CLEC17A: variants seen among roughly 807,000 people sequenced by gnomAD.
CLEC17A encodes the protein C-type lectin domain containing 17A, also known as C-type lectin domain family 17, member A.
Under a neutral mutation model 61.3 loss-of-function variants are expected in CLEC17A, and 37 were observed. The observed-to-expected ratio is 0.60, with a 90% confidence interval of 0.46 to 0.79. The LOEUF (loss-of-function observed/expected upper bound fraction) is 0.79. Among genes scored for constraint, CLEC17A ranks in the 30% least tolerant of loss-of-function variants. CLEC17A has a pLI of 0.00. For synonymous variants in CLEC17A, 168 were observed against 164.9 expected (o/e 1.02, Z -0.14); for missense variants, 418 against 464.7 (o/e 0.90, Z 0.92).
intron 2 of CLEC17A, among the ~76,000 whole-genome samples, chr19:14,585,115 G>C (rs1233618991): frequency 6.6e-6 from 1 of 152,188 alleles, no homozygotes; most frequent in Non-Finnish European, 1.5e-5. Flanking sequence ...GAGACACACA[G>C]AGAAGAGAAC....
At position 14,583,246 on chromosome 19, in the gene CLEC17A, A is replaced by G. The variant is rs1044768787; in HGVS notation, c.43+43A>G. 3 of 1,613,508 alleles carry G rather than the reference A, an allele frequency of 1.9e-6. No individual in the cohort carries two copies. In the African/African-American group the frequency reaches 4.0e-5, roughly 22 times the overall value. ...CTGGGGCTGGGGCCTAGGTGTGGTCAGGACCCAGGGTACAGAATCCCCACC... is the reference window on the plus strand; with the variant it reads ...CTGGGGCTGGGGCCTAGGTGTGGTCGGGACCCAGGGTACAGAATCCCCACC... On this transcript the variant is annotated intron_variant, in intron 1 of 13. Coordinates refer to ENST00000417570, the MANE Select transcript of CLEC17A (RefSeq NM_001204118.2).
At chr19:14,584,663 G>A (rs1194365146) in intron 2 of CLEC17A, among the ~76,000 whole-genome samples, 1 of 151,918 alleles carries the variant, frequency 6.6e-6, no homozygotes. Context: ...CCTGTGCTGT[G>A]TTGTTTCACT....
intron 12 of CLEC17A, among the ~76,000 whole-genome samples, chr19:14,601,917 C>T (rs35537095): frequency 0.11 from 16,903 of 151,940 alleles, 1,067 homozygotes; most frequent in African/African-American, 0.16. Context: ...TTCAGCCTCC[C>T]GAGTAGCTGG....
At chr19:14,600,612 C>T (rs868214777) in intron 12 of CLEC17A, among the ~76,000 whole-genome samples, 4 of 150,730 alleles carry the variant, frequency 2.7e-5, no homozygotes, top group African/African-American at 9.8e-5. Context: ...GATGGAGTCT[C>T]GCTCTTTCAC....
At chr19:14,598,322 C>CTA (rs1309197999) in intron 10 of CLEC17A, among the ~76,000 whole-genome samples, 3 of 148,220 alleles carry the variant, frequency 2.0e-5, no homozygotes, top group Non-Finnish European at 4.4e-5. Context: ...CTCTCTCTCT[C>CTA]TCTCACTATC....
At chr19:14,596,465 C>T (rs1225311009) in intron 8 of CLEC17A, among the ~76,000 whole-genome samples, 1 of 151,922 alleles carries the variant, frequency 6.6e-6, no homozygotes, top group East Asian at 1.9e-4. Flanking sequence ...ACCCCCATCT[C>T]TGCAAAAAAA....
intron 10 of CLEC17A, among the ~76,000 whole-genome samples, chr19:14,599,398 C>G (rs2074645440): frequency 6.6e-6 from 1 of 152,082 alleles, no homozygotes; most frequent in South Asian, 2.1e-4. Flanking sequence ...TGCATCTTTG[C>G]TTTTAAGATA....
At position 14,600,101 on chromosome 19, in the gene CLEC17A, C is replaced by G. The variant is rs1417754548; in HGVS notation, c.813C>G (p.Ser271Arg). ...FEGKCYYFSP[S>R]TKSWDEARMF... The stretch of plus-strand genomic sequence containing the variant: ...GCAAGTGTTACTACTTCTCCCCAAG[C>G]ACCAAGTCATGGGATGAGGCCCGGA... The change falls in exon 12 of 14, where the codon AGC (serine) becomes AGG (arginine). Residue 271 changes from serine (S) to arginine (R), a missense_variant. By Grantham distance (110) the Ser-to-Arg change is moderately radical (BLOSUM62 -1). Coordinates refer to ENST00000417570, the MANE Select transcript of CLEC17A (RefSeq NM_001204118.2). The G allele has an allele frequency of 6.2e-7, 1 of 1,614,042 alleles. No homozygotes were observed. Among genetic ancestry groups the G allele is most frequent in the Admixed American group, 1.7e-5 (1 of 60,024 alleles).
At position 14,594,696 on chromosome 19, in the gene CLEC17A, G is replaced by C. The variant is rs748533514; in HGVS notation, c.361+14G>C. 3 of 1,613,970 alleles carry C rather than the reference G, an allele frequency of 1.9e-6. No individual in the cohort carries two copies. Among genetic ancestry groups the C allele is most frequent in the African/African-American group, 1.3e-5 (1 of 75,010 alleles). ...GGAACATGACAGGTGAGAGCTGACA[G>C]TTGGAGTCTTCCTGCTCACCTGGCT... On this transcript the variant is annotated intron_variant, in intron 6 of 13. Coordinates refer to ENST00000417570, the MANE Select transcript of CLEC17A (RefSeq NM_001204118.2).
intron 7 of CLEC17A, among the ~76,000 whole-genome samples, 154 bp downstream of exon 7, chr19:14,594,954 C>T (rs2074507498): frequency 6.6e-6 from 1 of 152,184 alleles, no homozygotes; most frequent in Non-Finnish European, 1.5e-5. Context: ...TCACTGCAAC[C>T]TCTGCCTCCT....
At chr19:14,583,282 T>A (rs1461792513) in intron 1 of CLEC17A, 75 bp from the exon 2 acceptor site, 1 of 1,612,572 alleles carries the variant, frequency 6.2e-7, no homozygotes, top group Non-Finnish European at 8.5e-7. Flanking sequence ...ATGGGGCAGC[T>A]GAGGCAGAGA....
intron 12 of CLEC17A, among the ~76,000 whole-genome samples, chr19:14,603,767 C>T (rs2074784519): frequency 6.6e-6 from 1 of 152,076 alleles, no homozygotes. Flanking sequence ...TGCCCTAACC[C>T]ATAGCTCACT....
intron 11 of CLEC17A, 39 bp downstream of exon 11, chr19:14,599,851 A>G: frequency 6.4e-7 from 1 of 1,569,006 alleles, no homozygotes; most frequent in Non-Finnish European, 8.7e-7. Context: ...GATGGGGGGC[A>G]TGGCAGAGCT....
Position 14,590,639 on chromosome 19 carries a change from A to G in CLEC17A, c.200-1642A>G, listed in dbSNP as rs560932047. On this transcript the variant is annotated intron_variant, in intron 3 of 13. Coordinates refer to ENST00000417570, the MANE Select transcript of CLEC17A (RefSeq NM_001204118.2). ...CGACCTCAGGTGATCTGCCTGCCTC[A>G]GCCTCCCAAAGTGCTGAGATTACAG... Among the ~76,000 whole-genome samples the G allele has an allele frequency of 6.6e-5, 10 of 152,116 alleles. No homozygotes were observed. The South Asian group carries it at 1.9e-3, about 28-fold the overall frequency.
intron 13 of CLEC17A, among the ~76,000 whole-genome samples, chr19:14,609,182 A>C (rs2074985422): frequency 6.6e-6 from 1 of 152,140 alleles, no homozygotes; most frequent in Admixed American, 6.6e-5. Context: ...CACCTAAGAC[A>C]CTACCCAACT....
intron 8 of CLEC17A, among the ~76,000 whole-genome samples, chr19:14,595,938 T>TGGTGGTG (rs1568453975): frequency 1.1e-3 from 4 of 3,588 alleles, no homozygotes; most frequent in Admixed American, 3.0e-3. Context: ...TTGGTGATGA[T>TGGTGGTG]AGTAGAGGCA....
At chr19:14,599,577 G>T in intron 10 of CLEC17A, 140 bp from the exon 11 acceptor site, 1 of 720,630 alleles carries the variant, frequency 1.4e-6, no homozygotes, top group South Asian at 1.5e-5. Context: ...TGTGGTTTTT[G>T]AGCGCAAGCG....
chr19:14,595,157 C>A (rs1008034887), intron 7 of CLEC17A, 117 bp from the exon 8 acceptor site: 10 of 1,172,834 alleles, frequency 8.5e-6, no homozygotes, highest in Non-Finnish European at 1.1e-5. Context: ...CAGGCGTGAG[C>A]CACTGCCCAC....
rs928968456 is a variant in CLEC17A at position 14,592,413 on chromosome 19, G to A, written c.277+55G>A. On this transcript the variant is annotated intron_variant, in intron 4 of 13. Transcript: ENST00000417570. ...GGGAATACAGGGAACAGGGTTTCCAGGAGGCATTGGCTGGGCATTGTAGAC... is the reference window on the plus strand; with the variant it reads ...GGGAATACAGGGAACAGGGTTTCCAAGAGGCATTGGCTGGGCATTGTAGAC... 24 of 1,606,492 alleles carry A rather than the reference G, an allele frequency of 1.5e-5. No individual in the cohort carries two copies. In the Middle Eastern group the frequency reaches 4.9e-4, roughly 33 times the overall value.
Sources: gnomAD v4.1 joint callset for allele counts (sites outside exome capture counted in the v4.1 genomes callset) on GRCh38, gnomAD v4.1.1 for gene constraint, MANE v1.5 for transcripts, NCBI Gene and HGNC (gene_info 2026-07-23, HGNC 2026-07-21) for gene names.